The following LINGO2 variants were observed in gnomAD, a reference collection of about 807,000 sequenced individuals.
LINGO2 encodes the protein leucine rich repeat and Ig domain containing 2, also known as leucine-rich repeat and immunoglobulin-like domain-containing nogo receptor-interacting protein 2.
A neutral mutation model predicts 30.6 loss-of-function variants in LINGO2; 14 were observed. That is an observed-to-expected ratio of 0.46 (90% CI 0.30 to 0.72). LINGO2 has a LOEUF of 0.72. Ranked by LOEUF, LINGO2 falls within the 30% of genes least tolerant of loss-of-function variation. LINGO2 has a pLI of 0.07. For missense variants in LINGO2, 729 were observed against 751.7 expected (o/e 0.97, Z 0.35); for synonymous variants, 317 against 288.5 (o/e 1.10, Z -1.00).
At chr9:28,066,981 C>T (rs1392431609) in intron 4 of LINGO2, among the ~76,000 whole-genome samples, 1 of 152,014 alleles carries the variant, frequency 6.6e-6, no homozygotes, top group Non-Finnish European at 1.5e-5. Context: ...ACCTCCTCAC[C>T]ATCCTTCATC....
At chr9:28,361,904 G>C (rs1214464668) in intron 3 of LINGO2, among the ~76,000 whole-genome samples, 1 of 152,164 alleles carries the variant, frequency 6.6e-6, no homozygotes, top group African/African-American at 2.4e-5. Context: ...CGGGTTGAGT[G>C]ATTTTCTAAG....
chr9:28,744,073 C>G, the LINGO2 span, among the ~76,000 whole-genome samples: 1 of 150,234 alleles, frequency 6.7e-6, no homozygotes, highest in East Asian at 1.9e-4. Flanking sequence ...TCTGCTAGCT[C>G]AAATCTACTC....
the LINGO2 span, among the ~76,000 whole-genome samples, chr9:28,912,557 G>A: frequency 6.6e-6 from 1 of 152,092 alleles, no homozygotes; most frequent in African/African-American, 2.4e-5. Flanking sequence ...AACAGATAAA[G>A]TGGAAATCTA....
chr9:28,951,818 C>G, the LINGO2 span, among the ~76,000 whole-genome samples: 5 of 152,110 alleles, frequency 3.3e-5, no homozygotes, highest in Non-Finnish European at 2.9e-5. Context: ...TCTTCCAGCT[C>G]TCCAACAAAT....
chr9:28,922,190 T>C, the LINGO2 span, among the ~76,000 whole-genome samples: 1 of 152,198 alleles, frequency 6.6e-6, no homozygotes, highest in South Asian at 2.1e-4. Context: ...CTTTCACCAA[T>C]AAACCAGTCC....
chr9:28,215,326 G>T (rs931754010), intron 4 of LINGO2, among the ~76,000 whole-genome samples: 2 of 151,868 alleles, frequency 1.3e-5, no homozygotes, highest in African/African-American at 2.4e-5. Context: ...GCTGGGTAAA[G>T]TGTATCTTAT....
chr9:29,006,049 C>T, the LINGO2 span, among the ~76,000 whole-genome samples: 12 of 151,004 alleles, frequency 7.9e-5, no homozygotes, highest in African/African-American at 2.9e-4. Flanking sequence ...ATTAATCAAC[C>T]GATAGCTGCT....
chr9:28,160,417 C>A (rs1196078974), intron 4 of LINGO2, among the ~76,000 whole-genome samples: 1 of 152,100 alleles, frequency 6.6e-6, no homozygotes, highest in African/African-American at 2.4e-5. Flanking sequence ...TTATTTATTG[C>A]CTCTCCTGTG....
At chr9:28,576,336 T>C (rs1823988967) in intron 1 of LINGO2, among the ~76,000 whole-genome samples, 1 of 152,340 alleles carries the variant, frequency 6.6e-6, no homozygotes, top group East Asian at 1.9e-4. Flanking sequence ...TTCTGCTAAA[T>C]GCATTATCAC....
At chr9:28,054,153 C>A (rs917015806) in intron 4 of LINGO2, among the ~76,000 whole-genome samples, 1 of 151,972 alleles carries the variant, frequency 6.6e-6, no homozygotes, top group African/African-American at 2.4e-5. Context: ...GTTATTGGGA[C>A]CTTAGCCTGT....
At chr9:28,019,670 C>G (rs966860189) in intron 4 of LINGO2, among the ~76,000 whole-genome samples, 2 of 152,110 alleles carry the variant, frequency 1.3e-5, no homozygotes, top group African/African-American at 4.8e-5. Flanking sequence ...TTTTGCTTAT[C>G]TATACTTTCT....
chr9:28,343,134 G>C (rs1347843718), intron 3 of LINGO2, among the ~76,000 whole-genome samples: 7 of 152,160 alleles, frequency 4.6e-5, no homozygotes, highest in African/African-American at 1.7e-4. Flanking sequence ...AGGATAGCCT[G>C]AGGTCAAACA....
At chr9:28,219,948 A>G (rs1237858515) in intron 4 of LINGO2, among the ~76,000 whole-genome samples, 1 of 152,206 alleles carries the variant, frequency 6.6e-6, no homozygotes, top group Admixed American at 6.5e-5. Context: ...TTAAAATTCC[A>G]GAAAATATTA....
the LINGO2 span, among the ~76,000 whole-genome samples, chr9:28,774,078 A>T: frequency 7.1e-6 from 1 of 141,006 alleles, no homozygotes; most frequent in African/African-American, 2.8e-5. Flanking sequence ...ACACACACAC[A>T]CACACTTACT....
chr9:28,174,921 T>TGTGA (rs962695032), intron 4 of LINGO2, among the ~76,000 whole-genome samples: 1,386 of 133,370 alleles, frequency 0.01, 6 homozygotes, highest in African/African-American at 0.019. Flanking sequence ...TGTGTGTGTG[T>TGTGA]GAGAGAGAGA....
chr9:28,053,403 GCAAACA>G (rs1824768712), intron 4 of LINGO2, among the ~76,000 whole-genome samples: 1 of 152,038 alleles, frequency 6.6e-6, no homozygotes, highest in African/African-American at 2.4e-5. Context: ...AAACTGCAGA[GCAAACA>G]CAAACACATT....
At chr9:29,025,432 G>C in the LINGO2 span, among the ~76,000 whole-genome samples, 6 of 151,924 alleles carry the variant, frequency 3.9e-5, no homozygotes, top group Non-Finnish European at 7.4e-5. Flanking sequence ...CGATTGATGA[G>C]GTTCCCAAGT....
chr9:29,180,286 T>C, the LINGO2 span, among the ~76,000 whole-genome samples: 2 of 152,190 alleles, frequency 1.3e-5, no homozygotes, highest in African/African-American at 4.8e-5. Flanking sequence ...GAAACAAGAT[T>C]ATCATCAACA....
chr9:28,972,680 T>C, the LINGO2 span, among the ~76,000 whole-genome samples: 2 of 152,124 alleles, frequency 1.3e-5, no homozygotes, highest in African/African-American at 4.8e-5. Context: ...CGGTAATTTA[T>C]AAAGAGAAAG....
Sources: allele counts gnomAD v4.1 joint callset (sites outside exome capture counted in the v4.1 genomes callset), GRCh38; gene constraint gnomAD v4.1.1; transcripts MANE v1.5; gene names NCBI Gene and HGNC (gene_info 2026-07-23, HGNC 2026-07-21).